MEI4: variants seen among roughly 807,000 people sequenced by gnomAD.
MEI4 encodes the protein meiosis-specific protein MEI4.
Under a neutral mutation model 31.4 loss-of-function variants are expected in MEI4, and 27 were observed. The observed-to-expected ratio is 0.86, with a 90% CI of 0.63 to 1.19. MEI4 has a LOEUF of 1.19. Ranked by LOEUF, MEI4 falls within the 50% of genes most tolerant of loss-of-function variation. MEI4 has a pLI of 0.00. For synonymous variants in MEI4, 122 were observed against 145.4 expected (o/e 0.84, Z 1.16); for missense variants, 329 against 398.9 (o/e 0.82, Z 1.49).
chr6:77,681,833 G>C (rs1437415067), intron 1 of MEI4, among the ~76,000 whole-genome samples: 3 of 152,138 alleles, frequency 2.0e-5, no homozygotes, highest in Non-Finnish European at 4.4e-5. Flanking sequence ...ATCTTTGCAA[G>C]CCTTCTGTCA....
intron 4 of MEI4, among the ~76,000 whole-genome samples, chr6:77,922,523 TTATC>T (rs774765407): frequency 8.6e-5 from 13 of 151,844 alleles, no homozygotes; most frequent in South Asian, 6.2e-4. Context: ...GTGACTTGAC[TTATC>T]TATCTCACAT....
intron 4 of MEI4, among the ~76,000 whole-genome samples, chr6:77,904,157 T>C (rs1766243413): frequency 6.6e-6 from 1 of 152,168 alleles, no homozygotes; most frequent in African/African-American, 2.4e-5. Context: ...TTACTTATTT[T>C]TCCCTAGTGT....
chr6:77,702,171 G>A (rs1017697738), intron 2 of MEI4, among the ~76,000 whole-genome samples: 1 of 152,136 alleles, frequency 6.6e-6, no homozygotes, highest in Non-Finnish European at 1.5e-5. Context: ...CTGTTTTCCT[G>A]GTCCCAGCCT....
intron 4 of MEI4, among the ~76,000 whole-genome samples, chr6:77,883,745 A>ATATATATATATAT (rs55947073): frequency 0.056 from 4,594 of 81,748 alleles, 425 homozygotes; most frequent in African/African-American, 0.1. Context: ...TATATATATA[A>ATATATATATATAT]CTTTGTCTTT....
At chr6:77,816,575 A>G (rs1385405383) in intron 3 of MEI4, among the ~76,000 whole-genome samples, 1 of 151,996 alleles carries the variant, frequency 6.6e-6, no homozygotes, top group Non-Finnish European at 1.5e-5. Context: ...AGTCTTTGCT[A>G]TTGTGAATAG....
intron 3 of MEI4, among the ~76,000 whole-genome samples, chr6:77,765,304 G>A (rs770470574): frequency 4.6e-5 from 7 of 151,922 alleles, no homozygotes; most frequent in South Asian, 4.1e-4. Context: ...TGTTGTAGCA[G>A]CAACGTGAGA....
At chr6:77,791,350 C>T (rs964157960) in intron 3 of MEI4, among the ~76,000 whole-genome samples, 2 of 151,654 alleles carry the variant, frequency 1.3e-5, no homozygotes, top group South Asian at 2.1e-4. Flanking sequence ...ACTACGCAGC[C>T]ATAAAAAATG....
In MEI4 at chr6:77,736,355, C is replaced by T. The variant is rs537263415; in HGVS notation, c.233-24775C>T. ...TCTCCTGGTGCGCCGTTTTTAAGCCCGTTGGAAAAGCGCAGTATTTGGGTG... is the reference window on the plus strand; with the variant it reads ...TCTCCTGGTGCGCCGTTTTTAAGCCTGTTGGAAAAGCGCAGTATTTGGGTG... On this transcript the variant is annotated intron_variant, in intron 2 of 4. Coordinates refer to ENST00000684080, the MANE Select transcript of MEI4 (RefSeq NM_001322247.2). 1.5e-3 allele frequency among the ~76,000 whole-genome samples: 230 copies of T among 152,142 alleles called. 4 individuals are homozygous for T. Among genetic ancestry groups the T allele is most frequent in the African/African-American group, 4.6e-3 (190 of 41,446 alleles).
At chr6:77,897,936 G>C (rs1023614342) in intron 4 of MEI4, among the ~76,000 whole-genome samples, 1 of 151,854 alleles carries the variant, frequency 6.6e-6, no homozygotes, top group African/African-American at 2.4e-5. Flanking sequence ...AGGTTATGGG[G>C]AGAGAGAGAG....
chr6:77,683,989 T>C (rs1170626260), intron 1 of MEI4, among the ~76,000 whole-genome samples: 4 of 152,182 alleles, frequency 2.6e-5, no homozygotes, highest in Non-Finnish European at 4.4e-5. Context: ...TACTAATTTA[T>C]ATTCTCACCA....
At chr6:77,699,925 G>A (rs1297814843) in intron 2 of MEI4, among the ~76,000 whole-genome samples, 3 of 152,100 alleles carry the variant, frequency 2.0e-5, no homozygotes, top group Non-Finnish European at 2.9e-5. Context: ...TTGGTGACCC[G>A]CAAATGCTGC....
At chr6:77,882,576 A>G (rs578220820) in intron 4 of MEI4, among the ~76,000 whole-genome samples, 1 of 152,278 alleles carries the variant, frequency 6.6e-6, no homozygotes, top group South Asian at 2.1e-4. Context: ...TGACCTTCTT[A>G]CCATCAGAAT....
chr6:77,760,820 C>A (rs1768024979), intron 2 of MEI4, among the ~76,000 whole-genome samples: 1 of 152,152 alleles, frequency 6.6e-6, no homozygotes, highest in South Asian at 2.1e-4. Context: ...AGACTGTGAC[C>A]TCCTTCAGGT....
At chr6:77,660,465 G>A (rs1355136273) in intron 1 of MEI4, among the ~76,000 whole-genome samples, 1 of 152,006 alleles carries the variant, frequency 6.6e-6, no homozygotes, top group Non-Finnish European at 1.5e-5. Context: ...TAAACCGGCG[G>A]TGTAAACAAG....
intron 3 of MEI4, among the ~76,000 whole-genome samples, chr6:77,825,299 C>A (rs1206884650): frequency 6.6e-6 from 1 of 152,102 alleles, no homozygotes; most frequent in Non-Finnish European, 1.5e-5. Flanking sequence ...AAGTGAAATT[C>A]CGTTTATTAA....
At chr6:77,876,267 C>T (rs73462996) in intron 4 of MEI4, among the ~76,000 whole-genome samples, 9,064 of 152,118 alleles carry the variant, frequency 0.06, 485 homozygotes, top group African/African-American at 0.14. Flanking sequence ...TTTTAAGAGG[C>T]GGGGCCTTTA....
rs556623277 is a variant in MEI4 at position 77,744,727 on chromosome 6, T to C, written c.233-16403T>C. On this transcript the variant is annotated intron_variant, in intron 2 of 4. Transcript: ENST00000684080. ...TTAAGGGCAGCCAGAGAGAAAGGTATGGTTACCCACAAGGGGAAGCCCATC... is the reference window on the plus strand; with the variant it reads ...TTAAGGGCAGCCAGAGAGAAAGGTACGGTTACCCACAAGGGGAAGCCCATC... Among the ~76,000 whole-genome samples, 29 of 152,266 alleles carry C rather than the reference T, an allele frequency of 1.9e-4. No individual in the cohort carries two copies. In the South Asian group the frequency reaches 5.2e-3, roughly 27 times the overall value.
chr6:77,768,333 T>A (rs1288121109), intron 3 of MEI4, among the ~76,000 whole-genome samples: 2 of 152,294 alleles, frequency 1.3e-5, no homozygotes, highest in African/African-American at 4.8e-5. Context: ...CTTAGTGCCA[T>A]TTCTCTAAAT....
At chr6:77,732,134 C>T (rs1279701581) in intron 2 of MEI4, among the ~76,000 whole-genome samples, 5 of 151,264 alleles carry the variant, frequency 3.3e-5, no homozygotes, top group Non-Finnish European at 7.4e-5. Context: ...TCCATATGAA[C>T]TTGAAAGTAG....
Sources: allele counts gnomAD v4.1 joint callset (sites outside exome capture counted in the v4.1 genomes callset), GRCh38; gene constraint gnomAD v4.1.1; transcripts MANE v1.5; gene names NCBI Gene and HGNC (gene_info 2026-07-23, HGNC 2026-07-21).